The following CCDC171 variants were observed in gnomAD, a reference collection of about 807,000 sequenced individuals.
CCDC171 encodes the protein coiled-coil domain containing 171, also known as coiled-coil domain-containing protein 171.
A neutral mutation model predicts 168.2 loss-of-function variants in CCDC171; 177 were observed. The observed-to-expected ratio is 1.05, with a 90% CI of 0.93 to 1.19. The LOEUF is 1.19. Ranked by LOEUF, CCDC171 falls within the 50% of genes most tolerant of loss-of-function variation. The pLI, the probability that CCDC171 is intolerant of heterozygous loss-of-function variation, is 0.00. For synonymous variants in CCDC171, 687 were observed against 540.8 expected (o/e 1.27, Z -3.75); for missense variants, 1,991 against 1,539.0 (o/e 1.29, Z -4.91).
intron 18 of CCDC171, among the ~76,000 whole-genome samples, 191 bp from the exon 19 acceptor site, chr9:15,777,409 G>A (rs989999076): frequency 6.6e-6 from 1 of 152,100 alleles, no homozygotes; most frequent in Non-Finnish European, 1.5e-5. Context: ...GTATTCTTTA[G>A]TAGGTGAGCT....
At chr9:16,079,422 A>C in the CCDC171 span, among the ~76,000 whole-genome samples, 2 of 152,360 alleles carry the variant, frequency 1.3e-5, no homozygotes, top group African/African-American at 2.4e-5. Context: ...CTTATAAAGG[A>C]GGGAAATGTG....
chr9:15,896,672 C>G (rs1436038948), intron 24 of CCDC171, among the ~76,000 whole-genome samples: 1 of 152,048 alleles, frequency 6.6e-6, no homozygotes. Flanking sequence ...CTATCCTTAT[C>G]AATGTCACCA....
chr9:15,598,919 CT>C (rs576485206), intron 6 of CCDC171, among the ~76,000 whole-genome samples: 2,840 of 152,170 alleles, frequency 0.019, 42 homozygotes, highest in Non-Finnish European at 0.027. Flanking sequence ...TTCTTTGTCT[CT>C]TTTGATCTTT....
At chr9:15,827,270 AAG>A (rs2060051683) in intron 21 of CCDC171, among the ~76,000 whole-genome samples, 1 of 152,042 alleles carries the variant, frequency 6.6e-6, no homozygotes, top group Non-Finnish European at 1.5e-5. Context: ...GTGTGTGTGG[AAG>A]GGGGGACATG....
At chr9:15,938,584 T>C (rs1022107821) in intron 25 of CCDC171, among the ~76,000 whole-genome samples, 4 of 151,910 alleles carry the variant, frequency 2.6e-5, no homozygotes, top group African/African-American at 9.7e-5. Flanking sequence ...AAAGTGTACA[T>C]CCTTCCATGT....
intron 8 of CCDC171, 129 bp downstream of exon 8, chr9:15,657,348 T>A (rs2048015908): frequency 1.7e-6 from 1 of 581,518 alleles, no homozygotes; most frequent in African/African-American, 1.9e-5. Context: ...ATGACACTCA[T>A]TATTGTATAT....
intron 11 of CCDC171, among the ~76,000 whole-genome samples, chr9:15,713,456 T>C (rs921582201): frequency 3.3e-5 from 5 of 152,162 alleles, no homozygotes; most frequent in Non-Finnish European, 7.4e-5. Flanking sequence ...TATTTGTGCC[T>C]TCGGGACTTT....
chr9:15,955,617 A>T (rs1352930206), intron 25 of CCDC171, among the ~76,000 whole-genome samples: 1 of 152,186 alleles, frequency 6.6e-6, no homozygotes, highest in Non-Finnish European at 1.5e-5. Flanking sequence ...TTACTGTCCA[A>T]GCCTTCCCCT....
At chr9:16,015,723 C>G (rs1347249713) in intron 3 of CCDC171, among the ~76,000 whole-genome samples, 2 of 152,160 alleles carry the variant, frequency 1.3e-5, no homozygotes, top group Non-Finnish European at 2.9e-5. Flanking sequence ...CTATCCATGT[C>G]TAAAACTTTT....
intron 10 of CCDC171, among the ~76,000 whole-genome samples, chr9:15,694,335 T>A (rs1226213820): frequency 1.3e-5 from 2 of 152,188 alleles, no homozygotes; most frequent in African/African-American, 4.8e-5. Context: ...CCACCTCCCA[T>A]ATTTTTCTAC....
intron 3 of CCDC171, among the ~76,000 whole-genome samples, chr9:16,001,948 C>A (rs1832558869): frequency 6.6e-6 from 1 of 151,320 alleles, no homozygotes; most frequent in Admixed American, 6.6e-5. Context: ...AACAGTCCTC[C>A]CACCTCAGCC....
chr9:15,720,538 C>T (rs764334624), intron 11 of CCDC171, among the ~76,000 whole-genome samples: 2 of 151,804 alleles, frequency 1.3e-5, no homozygotes, highest in African/African-American at 2.4e-5. Flanking sequence ...GTTGAAAATC[C>T]GTTTCGTGTA....
At chr9:15,908,878 T>A (rs1823171065) in intron 24 of CCDC171, among the ~76,000 whole-genome samples, 1 of 152,176 alleles carries the variant, frequency 6.6e-6, no homozygotes, top group Non-Finnish European at 1.5e-5. Context: ...TCTCCGCTCA[T>A]GATCCAAATA....
intron 6 of CCDC171, among the ~76,000 whole-genome samples, chr9:15,596,962 A>G (rs1036422927): frequency 6.6e-6 from 1 of 152,146 alleles, no homozygotes; most frequent in Non-Finnish European, 1.5e-5. Flanking sequence ...TTATTGGTGT[A>G]TAAGAATGCT....
chr9:15,641,106 A>G (rs1011832848), intron 7 of CCDC171, among the ~76,000 whole-genome samples: 1 of 152,188 alleles, frequency 6.6e-6, no homozygotes, highest in Non-Finnish European at 1.5e-5. Context: ...GATTATTACT[A>G]TATTTATTAC....
intron 6 of CCDC171, among the ~76,000 whole-genome samples, chr9:15,615,080 T>C (rs1204266273): frequency 6.6e-6 from 1 of 152,280 alleles, no homozygotes; most frequent in East Asian, 1.9e-4. Context: ...AAAAGATAAT[T>C]ATAGCTAATC....
intron 1 of CCDC171, among the ~76,000 whole-genome samples, chr9:16,053,258 C>T (rs73417830): frequency 0.018 from 2,774 of 152,348 alleles, 107 homozygotes; most frequent in African/African-American, 0.064. Context: ...TCAGCTTGAG[C>T]GTGGACCAGA....
At chr9:16,081,159 G>T in the CCDC171 span, among the ~76,000 whole-genome samples, 2 of 152,156 alleles carry the variant, frequency 1.3e-5, no homozygotes, top group Non-Finnish European at 2.9e-5. Context: ...AGCCCAGTGG[G>T]TTCTAACATG....
the CCDC171 span, among the ~76,000 whole-genome samples, chr9:16,102,304 T>C: frequency 6.6e-6 from 1 of 152,168 alleles, no homozygotes; most frequent in Non-Finnish European, 1.5e-5. Context: ...TGTAGACATA[T>C]ACACACGCGC....
Sources: allele counts gnomAD v4.1 joint callset (sites outside exome capture counted in the v4.1 genomes callset), GRCh38; gene constraint gnomAD v4.1.1; transcripts MANE v1.5; gene names NCBI Gene and HGNC (gene_info 2026-07-23, HGNC 2026-07-21).